OTOL1: variants seen among roughly 807,000 people sequenced by gnomAD.
OTOL1 encodes otolin 1, also known as otolin-1.
A neutral mutation model predicts 25.0 loss-of-function variants in OTOL1; 31 were observed. The observed-to-expected ratio is 1.24, with a 90% CI of 0.93 to 1.67. OTOL1 has a LOEUF of 1.67. OTOL1 is among the 40% of genes most tolerant of loss of function. The pLI, the probability that OTOL1 is intolerant of heterozygous loss-of-function variation, is 0.00. For missense variants in OTOL1, 654 were observed against 587.7 expected (o/e 1.11, Z -1.17); for synonymous variants, 225 against 210.3 (o/e 1.07, Z -0.61).
chr3:161,503,097 G>A lies in OTOL1; in HGVS notation c.589G>A (p.Gly197Arg). ...AGTGAAAGGACAAAAAGGCTCCAAG[G>A]GAGACACATGTGGGAATTGTACCAA... ...GGVKGQKGSK[G>R]DTCGNCTKGE... The change falls in exon 4 of 4, where the codon GGA becomes AGA. Residue 197 changes from glycine to arginine, a missense_variant. Physicochemically the swap from Gly to Arg is moderately radical, Grantham distance 125 (BLOSUM62 -2). Transcript: ENST00000327928. The A allele has an allele frequency of 7.0e-7, 1 of 1,419,014 alleles. No individual in the cohort carries two copies. Among genetic ancestry groups the A allele is most frequent in the East Asian group, 2.5e-5 (1 of 39,648 alleles). 87.9% of individuals were successfully genotyped at this position (1,419,014 alleles called of 1,614,324 possible). A position where few individuals can be genotyped will look rare whatever the true frequency, so the allele number is the denominator to read the frequency against.
rs11344876 is a variant in OTOL1 at position 161,501,545 on chromosome 3, G to GT, written c.455-754dup. Among the ~76,000 whole-genome samples the GT allele has an allele frequency of 4.2e-3, 639 of 151,314 alleles. 6 individuals are homozygous for GT. The highest frequency in any genetic ancestry group is 0.014 in the African/African-American group (597 of 41,198). ...ACATAGATACTCTATATAAAGAACAGTTTTTTTTCCCGGACTTTTTTTTCT... is the reference window on the plus strand; with the variant it reads ...ACATAGATACTCTATATAAAGAACAGTTTTTTTTTCCCGGACTTTTTTTTCT... On this transcript the variant is annotated intron_variant, in intron 2 of 3. Coordinates refer to ENST00000327928, the MANE Select transcript of OTOL1 (RefSeq NM_001080440.1).
rs116071568 is a variant in OTOL1, at chr3:161,502,472, T to C, written c.517+103T>C. The C allele has an allele frequency of 3.6e-3, 3,501 of 964,098 alleles. 80 individuals carry two copies. In the African/African-American group the frequency reaches 0.052, roughly 14 times the overall value. The allele number at this position is 964,098 out of a possible 1,614,324, so 59.7% of individuals were successfully genotyped here. A position where few individuals can be genotyped will look rare whatever the true frequency, so the allele number is the denominator to read the frequency against. ...AATTATCAGAGAGGTAAGCTGAAAA[T>C]ACAAATTACTGTTATTCTTCTAATA... On this transcript the variant is annotated intron_variant, in intron 3 of 3. Coordinates refer to ENST00000327928, the MANE Select transcript of OTOL1 (RefSeq NM_001080440.1).
At position 161,496,871 on chromosome 3, in the gene OTOL1, A is replaced by G. The variant is rs1324858705; in HGVS notation, c.64A>G (p.Ile22Val). ...IILAIAGMNT[I>V]AKTTPHTKFT... The stretch of plus-strand genomic sequence containing the variant: ...TTTGGCTATTGCTGGTATGAACACA[A>G]TAGCAAAGACCACACCACATACCAA... Residue 22 changes from isoleucine (I) to valine (V), a missense_variant, in exon 1 of 4, where the codon ATA becomes GTA. Physicochemically the swap from Ile to Val is conservative, Grantham distance 29. Coordinates refer to ENST00000327928, the MANE Select transcript of OTOL1 (RefSeq NM_001080440.1). 1.2e-6 allele frequency: 2 copies of G among 1,612,670 alleles called. No homozygotes were observed. The highest frequency in any genetic ancestry group is 1.7e-6 in the Non-Finnish European group (2 of 1,179,228).
rs1180299131 is a variant in OTOL1, at chr3:161,503,420, G to A, written c.912G>A (p.Leu304=). Residue 304 remains leucine (L), a synonymous_variant, in exon 4 of 4, where the codon CTG becomes CTA. Coordinates refer to ENST00000327928, the MANE Select transcript of OTOL1 (RefSeq NM_001080440.1). ...GAGAGTTAGGTCCTCCTGGTCTCCT[G>A]GGACCTACTGGGCCGAAGGGTGACA... ...EKGELGPPGL[L]GPTGPKGDIG... 1.9e-6 allele frequency: 3 copies of A among 1,613,552 alleles called. No individual in the cohort carries two copies. The highest frequency in any genetic ancestry group is 1.7e-5 in the Admixed American group (1 of 59,972).
rs547650327 is a variant in OTOL1, at chr3:161,499,261, G to A, written c.454+1G>A. The stretch of plus-strand genomic sequence containing the variant: ...CCTAGAGGCTACAAAGGAGAGAAAG[G>A]TAGGTAATTCATTCATGTCAAAACT... On this transcript the variant is annotated splice_donor_variant, in intron 2 of 3. Coordinates refer to ENST00000327928, the MANE Select transcript of OTOL1 (RefSeq NM_001080440.1). LOFTEE classifies it high-confidence loss of function. The A allele has an allele frequency of 1.1e-4, 177 of 1,591,734 alleles. No homozygotes were observed. The highest frequency in any genetic ancestry group is 1.5e-4 in the Non-Finnish European group (173 of 1,171,472).
Position 161,496,892 on chromosome 3 carries a change from A to T in OTOL1, c.85A>T (p.Thr29Ser). 1.2e-6 allele frequency: 2 copies of T among 1,613,232 alleles called. No homozygotes were observed. The change falls in exon 1 of 4, where the codon ACC (threonine) becomes TCC (serine). Residue 29 changes from threonine (T) to serine (S), a missense_variant. By Grantham distance (58) the Thr-to-Ser change is moderately conservative. Transcript: ENST00000327928. The stretch of plus-strand genomic sequence containing the variant: ...CACAATAGCAAAGACCACACCACAT[A>T]CCAAATTTACGAAGAAATCTGAGGA... Reference protein sequence around the residue: ...MNTIAKTTPHTKFTKKSEERE... With the variant: ...MNTIAKTTPHSKFTKKSEERE...
Position 161,503,838 on chromosome 3 carries a change from G to A in OTOL1, c.1330G>A (p.Glu444Lys), listed in dbSNP as rs776829472. The A allele has an allele frequency of 8.1e-6, 13 of 1,613,962 alleles. No individual in the cohort carries two copies. The South Asian group carries it at 1.3e-4, about 16-fold the overall frequency. ...KLSAGDQVWL[E>K]VSKDWNGVYV... The stretch of plus-strand genomic sequence containing the variant: ...AAGTGCAGGAGACCAAGTCTGGCTT[G>A]AGGTGTCAAAAGATTGGAATGGGGT... The change falls in exon 4 of 4, where the codon GAG (glutamate) becomes AAG (lysine). Residue 444 changes from glutamate to lysine, a missense_variant. Physicochemically the swap from Glu to Lys is moderately conservative, Grantham distance 56. Coordinates refer to ENST00000327928, the MANE Select transcript of OTOL1 (RefSeq NM_001080440.1).
chr3:161,500,288 G>A (rs1718944131), intron 2 of OTOL1, among the ~76,000 whole-genome samples: 1 of 152,112 alleles, frequency 6.6e-6, no homozygotes, highest in Non-Finnish European at 1.5e-5. Context: ...TTCATTCTTG[G>A]AAACATTTAA....
intron 2 of OTOL1, among the ~76,000 whole-genome samples, chr3:161,502,034 T>C (rs2108229716): frequency 6.6e-6 from 1 of 152,180 alleles, no homozygotes; most frequent in East Asian, 1.9e-4. Context: ...ACCCGGCTAA[T>C]TTTTTGTATT....
Position 161,503,285 on chromosome 3 carries a change from G to T in OTOL1, c.777G>T (p.Gly259=). ...ERGGKGQKGE[G]GMKGEKGSKG... Reference sequence around the variant, plus strand: ...GAGGAAAAGGACAGAAAGGTGAGGGGGGTATGAAAGGGGAAAAAGGTAGCA... The same window carrying T: ...GAGGAAAAGGACAGAAAGGTGAGGGTGGTATGAAAGGGGAAAAAGGTAGCA... The change falls in exon 4 of 4, where the codon GGG becomes GGT. Residue 259 remains glycine, a synonymous_variant. Coordinates refer to ENST00000327928, the MANE Select transcript of OTOL1 (RefSeq NM_001080440.1). The T allele has an allele frequency of 6.7e-7, 1 of 1,489,278 alleles. No homozygotes were observed. Among genetic ancestry groups the T allele is most frequent in the Non-Finnish European group, 8.9e-7 (1 of 1,120,794 alleles). The allele number at this position is 1,489,278 out of a possible 1,614,324, so 92.3% of individuals were successfully genotyped here.
chr3:161,502,512 C>G, intron 3 of OTOL1, 143 bp downstream of exon 3: 1 of 737,964 alleles, frequency 1.4e-6, no homozygotes, highest in Non-Finnish European at 2.3e-6. Context: ...AGTGTACTGA[C>G]TCAGTGAAGG....
rs550921525 is a variant in OTOL1 at position 161,496,933 on chromosome 3, G to A, written c.126G>A (p.Lys42=). The stretch of plus-strand genomic sequence containing the variant: ...AATCTGAGGAAAGAGAGATGCCAAA[G>A]GGTCTAAAGCCATCCAGTGGCCCAC... The part of the protein sequence containing the change: ...TKKSEEREMP[K]GLKPSSGPPP... The change falls in exon 1 of 4, where the codon AAG becomes AAA. Residue 42 remains lysine (K), a synonymous_variant. Transcript: ENST00000327928. The A allele has an allele frequency of 6.2e-7, 1 of 1,613,430 alleles. No homozygotes were observed. The highest frequency in any genetic ancestry group is 1.3e-5 in the African/African-American group (1 of 75,026).
chr3:161,498,812 C>T (rs1203397800), intron 1 of OTOL1, among the ~76,000 whole-genome samples: 1 of 152,058 alleles, frequency 6.6e-6, no homozygotes, highest in Non-Finnish European at 1.5e-5. Flanking sequence ...AAAGGGAAAT[C>T]CAAAGGTGCT....
rs989071785 is a variant in OTOL1, at chr3:161,503,770, G to A, written c.1262G>A (p.Gly421Asp). The A allele has an allele frequency of 6.2e-7, 1 of 1,613,834 alleles. No homozygotes were observed. Among genetic ancestry groups the A allele is most frequent in the East Asian group, 2.2e-5 (1 of 44,850 alleles). Reference sequence around the variant, plus strand: ...TTCAAGTCCAGAGAAACTCTCTATGGTCAGGAAATAGACCAGGCCTCTCTC... The same window carrying A: ...TTCAAGTCCAGAGAAACTCTCTATGATCAGGAAATAGACCAGGCCTCTCTC... ...KQFKSRETLY[G>D]QEIDQASLLV... Residue 421 changes from glycine (G) to aspartate (D), a missense_variant, in exon 4 of 4, where the codon GGT becomes GAT. Transcript: ENST00000327928.
chr3:161,503,825 C>T lies in OTOL1; in HGVS notation c.1317C>T (p.Asp439=). ...LLVILKLSAG[D]QVWLEVSKDW... is the part of the protein sequence containing the mutation. ...TCATCTTGAAATTAAGTGCAGGAGA[C>T]CAAGTCTGGCTTGAGGTGTCAAAAG... Residue 439 remains aspartate, a synonymous_variant, in exon 4 of 4, where the codon GAC becomes GAT. Transcript: ENST00000327928. 3.7e-6 allele frequency: 6 copies of T among 1,613,894 alleles called. No homozygotes were observed. The South Asian group carries it at 6.6e-5, about 18-fold the overall frequency.
chr3:161,503,546 C>A lies in OTOL1; in HGVS notation c.1038C>A (p.Ser346Arg), dbSNP rs759599905. ...ELARVPRSAF[S>R]AGLSKPFPPP... The stretch of plus-strand genomic sequence containing the variant: ...CTAGAGTGCCCCGGTCGGCTTTCAG[C>A]GCTGGTTTGTCAAAGCCATTTCCTC... Residue 346 changes from serine to arginine, a missense_variant, in exon 4 of 4, where the codon AGC becomes AGA. Transcript: ENST00000327928. 18 of 1,613,696 alleles carry A rather than the reference C, an allele frequency of 1.1e-5. No homozygotes were observed. Among genetic ancestry groups the A allele is most frequent in the Non-Finnish European group, 1.4e-5 (17 of 1,179,862 alleles).
intron 1 of OTOL1, among the ~76,000 whole-genome samples, chr3:161,498,947 G>A (rs1440847886): frequency 6.6e-6 from 1 of 152,178 alleles, no homozygotes; most frequent in Non-Finnish European, 1.5e-5. Context: ...CATGAATACA[G>A]TGACAAGTAC....
chr3:161,502,373 G>C lies in OTOL1; in HGVS notation c.517+4G>C, dbSNP rs1387178028. 2 of 1,611,986 alleles carry C rather than the reference G, an allele frequency of 1.2e-6. No individual in the cohort carries two copies. The highest frequency in any genetic ancestry group is 1.7e-6 in the Non-Finnish European group (2 of 1,178,798). The stretch of plus-strand genomic sequence containing the variant: ...CCAGGAAAACCGGGAGCACAAGGTA[G>C]AGCATGAAATGTATCTACTGTGTAC... On this transcript the variant is annotated splice_donor_region_variant and intron_variant, in intron 3 of 3. Coordinates refer to ENST00000327928, the MANE Select transcript of OTOL1 (RefSeq NM_001080440.1).
chr3:161,499,189 G>A lies in OTOL1; in HGVS notation c.383G>A (p.Gly128Glu). The change falls in exon 2 of 4, where the codon GGA (glycine) becomes GAA (glutamate). Residue 128 changes from glycine to glutamate, a missense_variant. Coordinates refer to ENST00000327928, the MANE Select transcript of OTOL1 (RefSeq NM_001080440.1). ...TTTCTAGGTCCTAAAGGAGAGGCTG[G>A]AAATTTGGGGATCCCAGGGCCACCA... ...TGQPGPKGEA[G>E]NLGIPGPPGV... is the part of the protein sequence containing the mutation. 1 of 1,610,530 alleles carries A rather than the reference G, an allele frequency of 6.2e-7. No homozygotes were observed. Among genetic ancestry groups the A allele is most frequent in the Non-Finnish European group, 8.5e-7 (1 of 1,178,480 alleles).
Sources: gnomAD v4.1 joint callset for allele counts (sites outside exome capture counted in the v4.1 genomes callset) on GRCh38, gnomAD v4.1.1 for gene constraint, MANE v1.5 for transcripts, NCBI Gene and HGNC (gene_info 2026-07-23, HGNC 2026-07-21) for gene names.